Variants in ATP9A observed in about 807,000 individuals in gnomAD.
ATP9A encodes the protein ATPase phospholipid transporting 9A, also known as probable phospholipid-transporting ATPase IIA.
Under a neutral mutation model 144.1 loss-of-function variants are expected in ATP9A, and 52 were observed. The observed-to-expected ratio is 0.36, with a 90% CI of 0.29 to 0.45. ATP9A has a LOEUF of 0.45. Among genes scored for constraint, ATP9A ranks in the 20% least tolerant of loss-of-function variants. The probability of loss-of-function intolerance (pLI) is 1.00; values close to 1 mark genes in which losing one functional copy is unlikely to be tolerated. For missense variants in ATP9A, 947 were observed against 1,392.7 expected (o/e 0.68, Z 5.09); for synonymous variants, 582 against 557.4 (o/e 1.04, Z -0.62).
chr20:51,736,709 T>C (rs2077764489), intron 1 of ATP9A, among the ~76,000 whole-genome samples: 1 of 152,084 alleles, frequency 6.6e-6, no homozygotes, highest in Non-Finnish European at 1.5e-5. Context: ...ACTTGCTGAA[T>C]TGTACACTTT....
chr20:51,597,276 G>A lies in ATP9A; in HGVS notation c.*3935C>T, dbSNP rs73265658. 147 of 152,260 alleles carry A rather than the reference G, an allele frequency of 9.7e-4. No individual in the cohort carries two copies. The highest frequency in any genetic ancestry group is 3.4e-3 in the African/African-American group (141 of 41,556). 9.4% of individuals were successfully genotyped at this position (152,260 alleles called of 1,614,324 possible). ...GGAGGAGCTGCTCACGCTGCAGGAT[G>A]CTTTGCAGGTTCATTCAAAACCAAA... On this transcript the variant is annotated 3_prime_UTR_variant, in exon 28 of 28. Transcript: ENST00000338821.
At chr20:51,708,971 C>T (rs1438110297) in intron 4 of ATP9A, among the ~76,000 whole-genome samples, 1 of 151,954 alleles carries the variant, frequency 6.6e-6, no homozygotes, top group Non-Finnish European at 1.5e-5. Context: ...GAAAAAAATG[C>T]TATCAAAGGA....
chr20:51,607,818 T>C (rs929289579), intron 25 of ATP9A, among the ~76,000 whole-genome samples: 1 of 151,856 alleles, frequency 6.6e-6, no homozygotes, highest in Non-Finnish European at 1.5e-5. Context: ...CTGAGGCAAG[T>C]GGATCACTTG....
At chr20:51,750,785 G>GT (rs2077828030) in intron 1 of ATP9A, among the ~76,000 whole-genome samples, 1 of 152,146 alleles carries the variant, frequency 6.6e-6, no homozygotes. Context: ...ATCTCATCTC[G>GT]TTGTAGAATC....
chr20:51,694,848 A>G (rs2077563828), intron 6 of ATP9A, among the ~76,000 whole-genome samples: 1 of 152,182 alleles, frequency 6.6e-6, no homozygotes, highest in African/African-American at 2.4e-5. Flanking sequence ...TAGAACACTC[A>G]TAATTTTGGT....
At chr20:51,689,241 C>G (rs770468404) in intron 8 of ATP9A, 102 bp from the exon 9 acceptor site, 1 of 1,197,782 alleles carries the variant, frequency 8.3e-7, no homozygotes, top group Non-Finnish European at 1.2e-6. Context: ...ACAGGCTCCC[C>G]CCGATGAACC....
Position 51,608,635 on chromosome 20 carries a change from G to T in ATP9A, c.2637-9C>A, listed in dbSNP as rs769610142. On this transcript the variant is annotated splice_polypyrimidine_tract_variant and intron_variant, in intron 24 of 27. Transcript: ENST00000338821. ...TGTAAATTGTGGAGTACCTGGGAGA[G>T]AAAACCGCCATAGGTAAGACCTGGC... The T allele has an allele frequency of 6.4e-7, 1 of 1,563,498 alleles. No individual in the cohort carries two copies. Among genetic ancestry groups the T allele is most frequent in the Non-Finnish European group, 8.8e-7 (1 of 1,134,494 alleles).
At chr20:51,752,667 C>CAA (rs1412615281) in intron 1 of ATP9A, among the ~76,000 whole-genome samples, 1 of 152,162 alleles carries the variant, frequency 6.6e-6, no homozygotes, top group African/African-American at 2.4e-5. Context: ...GTATCACACA[C>CAA]AAAACTGCAT....
chr20:51,750,480 C>CA (rs1218425343), intron 1 of ATP9A, among the ~76,000 whole-genome samples: 1 of 152,130 alleles, frequency 6.6e-6, no homozygotes, highest in Non-Finnish European at 1.5e-5. Flanking sequence ...AGCACGAGCC[C>CA]AAAAAATTCC....
chr20:51,663,209 G>C (rs565185088), intron 13 of ATP9A, among the ~76,000 whole-genome samples: 2 of 152,178 alleles, frequency 1.3e-5, no homozygotes, highest in South Asian at 4.2e-4. Flanking sequence ...AAAAAGAAAG[G>C]AATATGATGG....
chr20:51,601,736 T>C (rs2077143983), intron 27 of ATP9A, among the ~76,000 whole-genome samples: 1 of 151,988 alleles, frequency 6.6e-6, no homozygotes, highest in Admixed American at 6.6e-5. Context: ...CAAAACCCTG[T>C]CTCTACAAAA....
At chr20:51,660,185 A>G (rs1347353431) in intron 13 of ATP9A, among the ~76,000 whole-genome samples, 1 of 152,228 alleles carries the variant, frequency 6.6e-6, no homozygotes, top group Non-Finnish European at 1.5e-5. Flanking sequence ...CATTAGGCGC[A>G]ATAACAAGAC....
At chr20:51,763,225 G>T (rs547523670) in intron 1 of ATP9A, among the ~76,000 whole-genome samples, 61 of 152,100 alleles carry the variant, frequency 4.0e-4, no homozygotes, top group African/African-American at 1.4e-3. Context: ...GGAGACTTTC[G>T]GAGGTGATGG....
At chr20:51,661,312 G>A (rs949725412) in intron 13 of ATP9A, among the ~76,000 whole-genome samples, 3 of 151,882 alleles carry the variant, frequency 2.0e-5, no homozygotes, top group African/African-American at 7.3e-5. Flanking sequence ...CACCACATAT[G>A]GGCATTCATA....
chr20:51,617,337 C>A (rs914882264), intron 22 of ATP9A, among the ~76,000 whole-genome samples, 153 bp downstream of exon 22: 2 of 152,190 alleles, frequency 1.3e-5, no homozygotes, highest in Non-Finnish European at 2.9e-5. Flanking sequence ...AGACCTCTAT[C>A]TTCCCAGTGA....
intron 4 of ATP9A, among the ~76,000 whole-genome samples, chr20:51,707,338 C>G (rs2077618723): frequency 6.6e-6 from 1 of 152,152 alleles, no homozygotes; most frequent in African/African-American, 2.4e-5. Context: ...AAAGACATCA[C>G]CAGATTCTCT....
intron 15 of ATP9A, among the ~76,000 whole-genome samples, chr20:51,636,374 G>C (rs1467632060): frequency 6.6e-6 from 1 of 152,212 alleles, no homozygotes; most frequent in East Asian, 1.9e-4. Flanking sequence ...TTAGACTGCA[G>C]TTGACCATGG....
intron 1 of ATP9A, among the ~76,000 whole-genome samples, chr20:51,739,120 A>AG (rs1389604471): frequency 3.3e-5 from 5 of 152,112 alleles, no homozygotes; most frequent in Non-Finnish European, 5.9e-5. Flanking sequence ...ATGACTCACC[A>AG]GCCCCACCTG....
chr20:51,663,043 C>A (rs2077417456), intron 13 of ATP9A, among the ~76,000 whole-genome samples: 1 of 152,048 alleles, frequency 6.6e-6, no homozygotes, highest in Non-Finnish European at 1.5e-5. Context: ...GCACTCCAGC[C>A]TGGGCAACAA....
Sources: allele counts gnomAD v4.1 joint callset (sites outside exome capture counted in the v4.1 genomes callset), GRCh38; gene constraint gnomAD v4.1.1; transcripts MANE v1.5; gene names NCBI Gene and HGNC (gene_info 2026-07-23, HGNC 2026-07-21).